The following DLG2 variants were observed in gnomAD, a reference collection of about 807,000 sequenced individuals.
The protein encoded by DLG2 is disks large homolog 2.
Under a neutral mutation model 132.5 loss-of-function variants are expected in DLG2, and 45 were observed. The ratio of observed to expected loss-of-function variants is 0.34; its 90% CI spans 0.27 to 0.44. The LOEUF is 0.44. DLG2 is among the 20% of genes least tolerant of loss of function. The pLI is 1.00. For synonymous variants in DLG2, 424 were observed against 419.6 expected (o/e 1.01, Z -0.13); for missense variants, 1,045 against 1,196.9 (o/e 0.87, Z 1.87).
At chr11:84,857,397 G>A (rs2082938915) in intron 6 of DLG2, among the ~76,000 whole-genome samples, 1 of 151,650 alleles carries the variant, frequency 6.6e-6, no homozygotes, top group Non-Finnish European at 1.5e-5. Flanking sequence ...TCCTCAGTGA[G>A]TAATTTGAAT....
At chr11:83,961,134 T>G (rs1319824645) in intron 14 of DLG2, among the ~76,000 whole-genome samples, 1 of 152,082 alleles carries the variant, frequency 6.6e-6, no homozygotes, top group African/African-American at 2.4e-5. Flanking sequence ...CAGGCACCTT[T>G]CTAAGTTCTT....
At chr11:83,996,266 A>T (rs945406194) in intron 11 of DLG2, among the ~76,000 whole-genome samples, 1 of 152,180 alleles carries the variant, frequency 6.6e-6, no homozygotes, top group Non-Finnish European at 1.5e-5. Flanking sequence ...TCAAAGCTAC[A>T]ATGAAATATC....
intron 6 of DLG2, among the ~76,000 whole-genome samples, chr11:84,994,866 C>T (rs1254917677): frequency 6.6e-6 from 1 of 152,162 alleles, no homozygotes; most frequent in East Asian, 1.9e-4. Context: ...CATAGGGCCT[C>T]TCTCATGATA....
chr11:85,145,983 T>C (rs891753125), intron 5 of DLG2, among the ~76,000 whole-genome samples: 3 of 152,088 alleles, frequency 2.0e-5, no homozygotes, highest in Admixed American at 2.0e-4. Context: ...TTGAGAAGGG[T>C]TTCCAGGTAT....
At chr11:83,576,846 C>T (rs1304027841) in intron 19 of DLG2, among the ~76,000 whole-genome samples, 2 of 152,168 alleles carry the variant, frequency 1.3e-5, no homozygotes, top group East Asian at 3.9e-4. Flanking sequence ...AAAGGAAGTA[C>T]CCTGGGAATG....
chr11:85,495,985 C>T (rs554633218), intron 3 of DLG2, among the ~76,000 whole-genome samples: 50 of 152,254 alleles, frequency 3.3e-4, no homozygotes, highest in East Asian at 7.7e-4. Context: ...GTGAGATCGA[C>T]GCAGAAGACA....
intron 16 of DLG2, among the ~76,000 whole-genome samples, chr11:83,863,102 T>C (rs1241080342): frequency 6.6e-6 from 1 of 152,192 alleles, no homozygotes; most frequent in Non-Finnish European, 1.5e-5. Context: ...CCAATAAATA[T>C]TTTGAATGAA....
At chr11:83,470,074 A>G (rs905693570) in intron 24 of DLG2, among the ~76,000 whole-genome samples, 2 of 152,104 alleles carry the variant, frequency 1.3e-5, no homozygotes, top group African/African-American at 4.8e-5. Flanking sequence ...TCCTAGAAAT[A>G]TGTTTTTAAA....
chr11:85,479,746 A>G (rs986237540), intron 3 of DLG2, among the ~76,000 whole-genome samples: 1 of 152,224 alleles, frequency 6.6e-6, no homozygotes, highest in Non-Finnish European at 1.5e-5. Flanking sequence ...TCTGGAGCTT[A>G]GAAATCTGAG....
At chr11:83,751,769 G>C (rs776984835) in intron 18 of DLG2, among the ~76,000 whole-genome samples, 1 of 152,104 alleles carries the variant, frequency 6.6e-6, no homozygotes, top group Non-Finnish European at 1.5e-5. Flanking sequence ...AAGATCAAAA[G>C]GTCAATTTTG....
rs754883356 is a variant in DLG2, at chr11:84,106,598, T to C, written c.625-7551A>G. Reference sequence around the variant, plus strand: ...ATGCCCCATAGTTTGTTCTATTAAATTGTATTTTTCTGGAAGCTGCTGGGT... The same window carrying C: ...ATGCCCCATAGTTTGTTCTATTAAACTGTATTTTTCTGGAAGCTGCTGGGT... On this transcript the variant is annotated intron_variant, in intron 9 of 27. Coordinates refer to ENST00000376104, the MANE Select transcript of DLG2 (RefSeq NM_001142699.3). Among the ~76,000 whole-genome samples the C allele has an allele frequency of 3.3e-5, 5 of 152,172 alleles. No individual in the cohort carries two copies. The East Asian group carries it at 5.8e-4, about 18-fold the overall frequency.
At chr11:85,518,146 G>A (rs566589509) in intron 3 of DLG2, among the ~76,000 whole-genome samples, 1 of 152,298 alleles carries the variant, frequency 6.6e-6, no homozygotes, top group South Asian at 2.1e-4. Flanking sequence ...GCAGAGTGGG[G>A]CAATGCTGAA....
chr11:84,078,988 C>T (rs1166192899), intron 10 of DLG2, among the ~76,000 whole-genome samples: 1 of 152,138 alleles, frequency 6.6e-6, no homozygotes. Context: ...CAATTGTCAT[C>T]CTCAAAGTCA....
chr11:84,575,224 C>T (rs2099496462), intron 6 of DLG2, among the ~76,000 whole-genome samples: 1 of 152,126 alleles, frequency 6.6e-6, no homozygotes, highest in African/African-American at 2.4e-5. Context: ...TTACAAACCT[C>T]TCTGAGATCT....
At position 84,966,989 on chromosome 11, in the gene DLG2, A is replaced by C. The variant is rs1025087541; in HGVS notation, c.357+144672T>G. ...TTTGCCCTCCATTGGTCTGGGATGC[A>C]ATAACTCTGAGGTGATGGCTGGACC... On this transcript the variant is annotated intron_variant, in intron 6 of 27. Transcript: ENST00000376104. Among the ~76,000 whole-genome samples, 17 of 152,120 alleles carry C rather than the reference A, an allele frequency of 1.1e-4. 1 individual carries two copies. The highest frequency in any genetic ancestry group is 4.1e-4 in the African/African-American group (17 of 41,440).
At chr11:84,965,587 T>C (rs2053205382) in intron 6 of DLG2, among the ~76,000 whole-genome samples, 1 of 152,110 alleles carries the variant, frequency 6.6e-6, no homozygotes, top group Non-Finnish European at 1.5e-5. Flanking sequence ...TGTTCATGTG[T>C]TAACTTCTAT....
chr11:84,465,698 C>T (rs1466482382), intron 7 of DLG2, among the ~76,000 whole-genome samples: 2 of 151,196 alleles, frequency 1.3e-5, no homozygotes, highest in African/African-American at 4.8e-5. Flanking sequence ...TACAAAACTA[C>T]TCTGTGTTCT....
chr11:83,588,850 C>T (rs1342293589), intron 19 of DLG2, among the ~76,000 whole-genome samples: 2 of 152,066 alleles, frequency 1.3e-5, no homozygotes, highest in African/African-American at 4.8e-5. Context: ...AATGCAGAAG[C>T]GTCAGGAGCC....
intron 3 of DLG2, among the ~76,000 whole-genome samples, chr11:85,428,189 C>T (rs1167048033): frequency 6.6e-6 from 1 of 152,190 alleles, no homozygotes; most frequent in Non-Finnish European, 1.5e-5. Context: ...GAGACTATAA[C>T]ACCCCACTGT....
Sources: gnomAD v4.1 joint callset for allele counts (sites outside exome capture counted in the v4.1 genomes callset) on GRCh38, gnomAD v4.1.1 for gene constraint, MANE v1.5 for transcripts, NCBI Gene and HGNC (gene_info 2026-07-23, HGNC 2026-07-21) for gene names.